Variants in ESRRG observed in about 807,000 individuals in gnomAD.
The protein encoded by ESRRG is estrogen related receptor gamma.
In ESRRG, 13 loss-of-function variants were observed where a neutral mutation model predicts 44.0. The observed-to-expected ratio is 0.30, with a 90% CI of 0.19 to 0.47. ESRRG has a LOEUF of 0.47. Ranked by LOEUF, ESRRG falls within the 20% of genes least tolerant of loss-of-function variation. The probability of loss-of-function intolerance (pLI) is 1.00; values close to 1 mark genes in which losing one functional copy is unlikely to be tolerated. For missense variants in ESRRG, 395 were observed against 580.6 expected (o/e 0.68, Z 3.29); for synonymous variants, 215 against 214.6 (o/e 1.00, Z -0.02).
chr1:216,742,739 A>C (rs1185406541), intron 2 of ESRRG, among the ~76,000 whole-genome samples: 1 of 152,152 alleles, frequency 6.6e-6, no homozygotes, highest in Non-Finnish European at 1.5e-5. Context: ...TCAGAAAATG[A>C]ATCGTTATGA....
chr1:217,045,108 G>A (rs1180691277), intron 1 of ESRRG, among the ~76,000 whole-genome samples: 1 of 152,186 alleles, frequency 6.6e-6, no homozygotes, highest in Admixed American at 6.5e-5. Flanking sequence ...AATGTGCTCA[G>A]CTGGGGAAAT....
At chr1:216,832,542 C>A (rs1238493081) in intron 2 of ESRRG, among the ~76,000 whole-genome samples, 3 of 152,166 alleles carry the variant, frequency 2.0e-5, no homozygotes, top group African/African-American at 7.2e-5. Flanking sequence ...CTGAACGAAA[C>A]CCTGCAAGCT....
chr1:216,505,103 G>C lies in ESRRG; in HGVS notation c.*1836C>G, dbSNP rs1166530512. On this transcript the variant is annotated 3_prime_UTR_variant, in exon 7 of 7. Coordinates refer to ENST00000408911, the MANE Select transcript of ESRRG (RefSeq NM_001438.4). The stretch of plus-strand genomic sequence containing the variant: ...GAACTACATTTCTTTTGTTTGTTAG[G>C]ATTACAATTTTAATTACATCTGTGT... 1 of 152,586 alleles carries C rather than the reference G, an allele frequency of 6.6e-6. No individual in the cohort carries two copies. Among genetic ancestry groups the C allele is most frequent in the Non-Finnish European group, 1.5e-5 (1 of 68,036 alleles). The allele number at this position is 152,586 out of a possible 1,614,324, so 9.5% of individuals were successfully genotyped here.
chr1:216,798,541 A>C (rs1212796101), intron 2 of ESRRG, among the ~76,000 whole-genome samples: 1 of 152,206 alleles, frequency 6.6e-6, no homozygotes, highest in African/African-American at 2.4e-5. Flanking sequence ...ACTTATGGTC[A>C]TCAACAGCAG....
rs113736089 is a variant in ESRRG at position 217,110,114 on chromosome 1, T to A, written c.-230+27553A>T. ...GTCACCAAACACATGGCACCCAGGCTGCCAGCCCCACCCAGGTTTGGAACC... is the reference window on the plus strand; with the variant it reads ...GTCACCAAACACATGGCACCCAGGCAGCCAGCCCCACCCAGGTTTGGAACC... On this transcript the variant is annotated intron_variant, in intron 1 of 8. Transcript: ENST00000366940. Among the ~76,000 whole-genome samples, 385 of 152,288 alleles carry A rather than the reference T, an allele frequency of 2.5e-3. 3 individuals carry two copies. The highest frequency in any genetic ancestry group is 8.7e-3 in the African/African-American group (363 of 41,564).
intron 2 of ESRRG, among the ~76,000 whole-genome samples, chr1:216,833,935 A>C (rs551891882): frequency 3.4e-4 from 52 of 152,320 alleles, no homozygotes; most frequent in African/African-American, 1.3e-3. Flanking sequence ...TTTAGAGTGC[A>C]TTGACCATCA....
intron 1 of ESRRG, among the ~76,000 whole-genome samples, chr1:216,974,796 C>A (rs1218542088): frequency 6.6e-6 from 1 of 151,754 alleles, no homozygotes; most frequent in Non-Finnish European, 1.5e-5. Flanking sequence ...TCCCTCCCCA[C>A]CCCCAGACTT....
chr1:216,824,480 T>A (rs1278704036), intron 2 of ESRRG, among the ~76,000 whole-genome samples: 1 of 147,162 alleles, frequency 6.8e-6, no homozygotes, highest in East Asian at 2.1e-4. Flanking sequence ...ATAGTCATTT[T>A]AATTTTTTTT....
At chr1:216,770,533 C>T in intron 2 of ESRRG, among the ~76,000 whole-genome samples, 1 of 151,972 alleles carries the variant, frequency 6.6e-6, no homozygotes. Flanking sequence ...AGATCGATAT[C>T]TTTCATTGAC....
intron 5 of ESRRG, among the ~76,000 whole-genome samples, chr1:216,544,606 C>T (rs759512217): frequency 1.3e-4 from 20 of 152,014 alleles, no homozygotes; most frequent in Non-Finnish European, 2.2e-4. Flanking sequence ...TAGCATCAAC[C>T]TCCTCTCAAA....
intron 3 of ESRRG, among the ~76,000 whole-genome samples, chr1:216,634,390 C>A (rs1354408616): frequency 7.0e-6 from 1 of 142,306 alleles, no homozygotes. Context: ...AAAAGATGGG[C>A]AGTGGGCTTT....
At chr1:216,907,565 C>T (rs1318364248) in intron 2 of ESRRG, among the ~76,000 whole-genome samples, 1 of 152,176 alleles carries the variant, frequency 6.6e-6, no homozygotes, top group Admixed American at 6.5e-5. Context: ...CTATTGGCCT[C>T]GCTGAAGAGC....
chr1:216,858,531 G>A (rs1468393302), intron 2 of ESRRG, among the ~76,000 whole-genome samples: 1 of 152,062 alleles, frequency 6.6e-6, no homozygotes, highest in East Asian at 1.9e-4. Context: ...GATTAGTAGT[G>A]AGTGACTCTC....
intron 5 of ESRRG, among the ~76,000 whole-genome samples, chr1:216,545,041 T>A (rs1461957759): frequency 6.6e-6 from 1 of 151,884 alleles, no homozygotes; most frequent in Non-Finnish European, 1.5e-5. Flanking sequence ...AATGATTTTT[T>A]AAAATGTACC....
upstream of ESRRG, among the ~76,000 whole-genome samples, chr1:216,723,895 G>T (rs2086938966): frequency 6.6e-6 from 1 of 152,132 alleles, no homozygotes; most frequent in East Asian, 1.9e-4. Flanking sequence ...TTCTGCGGAA[G>T]GTAGAGAATT....
intron 1 of ESRRG, among the ~76,000 whole-genome samples, chr1:216,688,699 T>TA (rs938399367): frequency 2.6e-4 from 38 of 146,702 alleles, no homozygotes; most frequent in African/African-American, 4.5e-4. Flanking sequence ...ATATTTGGGG[T>TA]AAAAAAAAAA....
chr1:216,995,457 T>C (rs925002603), intron 1 of ESRRG, among the ~76,000 whole-genome samples: 2 of 152,190 alleles, frequency 1.3e-5, no homozygotes, highest in African/African-American at 4.8e-5. Flanking sequence ...CCAATAAGAT[T>C]TTTAGGATTT....
intron 1 of ESRRG, among the ~76,000 whole-genome samples, chr1:217,060,111 A>G (rs2088033973): frequency 6.6e-6 from 1 of 152,006 alleles, no homozygotes; most frequent in Non-Finnish European, 1.5e-5. Context: ...TACGTATATA[A>G]TATGCATATA....
chr1:216,647,383 TCAA>T (rs1447853108), intron 3 of ESRRG, among the ~76,000 whole-genome samples: 4 of 152,196 alleles, frequency 2.6e-5, no homozygotes, highest in African/African-American at 9.6e-5. Context: ...CACTTGGATT[TCAA>T]CAAATTATCA....
Sources: gnomAD v4.1 joint callset for allele counts (sites outside exome capture counted in the v4.1 genomes callset) on GRCh38, gnomAD v4.1.1 for gene constraint, MANE v1.5 for transcripts, NCBI Gene and HGNC (gene_info 2026-07-23, HGNC 2026-07-21) for gene names.